Variants in PFKFB4 observed in about 807,000 individuals in gnomAD.
The protein encoded by PFKFB4 is 6-phosphofructo-2-kinase/fructose-2,6-bisphosphatase 4.
PFKFB4 carries 42 observed loss-of-function variants against 62.8 expected under a neutral mutation model. The observed-to-expected ratio is 0.67, with a 90% CI of 0.52 to 0.86. The LOEUF (loss-of-function observed/expected upper bound fraction) is 0.86. PFKFB4 is among the 40% of genes least tolerant of loss of function. PFKFB4 has a pLI of 0.00. For missense variants in PFKFB4, 475 were observed against 627.2 expected, an observed-to-expected ratio of 0.76 and a Z score of 2.59; for synonymous variants, 204 against 240.7, an observed-to-expected ratio of 0.85 and a Z score of 1.41.
chr3:48,546,436 TG>T (rs1230143528), intron 3 of PFKFB4, among the ~76,000 whole-genome samples: 1 of 152,174 alleles, frequency 6.6e-6, no homozygotes, highest in Non-Finnish European at 1.5e-5. Flanking sequence ...ATGCTTGGTG[TG>T]TACATGTGCA....
At chr3:48,525,075 G>GT (rs2042214493) in intron 10 of PFKFB4, among the ~76,000 whole-genome samples, 1 of 152,104 alleles carries the variant, frequency 6.6e-6, no homozygotes, top group South Asian at 2.1e-4. Flanking sequence ...AGGGACTCGA[G>GT]TGAGCTGAGA....
chr3:48,521,901 G>T lies in PFKFB4; in HGVS notation c.1350+85C>A. 1 of 1,147,202 alleles carries T rather than the reference G, an allele frequency of 8.7e-7. No homozygotes were observed. The highest frequency in any genetic ancestry group is 1.3e-6 in the Non-Finnish European group (1 of 754,570). 71.1% of individuals were successfully genotyped at this position (1,147,202 alleles called of 1,614,324 possible). ...CAAGCTCCCTCTGGCAGGTGCCGCA[G>T]CTGGGCCTGGCCCTGGAGGATGTGC... On this transcript the variant is annotated intron_variant, in intron 13 of 13. Coordinates refer to ENST00000232375, the MANE Select transcript of PFKFB4 (RefSeq NM_004567.4). The surrounding 1 kb of genome is among the most constrained non-coding windows in gnomAD (Gnocchi z 5.3).
At chr3:48,539,344 A>T in intron 5 of PFKFB4, 34 bp from the exon 6 acceptor site, 1 of 1,595,494 alleles carries the variant, frequency 6.3e-7, no homozygotes, top group Non-Finnish European at 8.6e-7. Context: ...GGGTGGTGGG[A>T]GGGAGGAACA....
At chr3:48,526,150 G>C (rs2042252100) in intron 9 of PFKFB4, 3 of 152,218 alleles carry the variant, frequency 2.0e-5, no homozygotes, top group Admixed American at 6.5e-5. Flanking sequence ...TTGAGGTCAG[G>C]AGTTCAAGAC....
intron 12 of PFKFB4, among the ~76,000 whole-genome samples, 159 bp from the exon 13 acceptor site, chr3:48,522,209 G>A (rs750768656): frequency 1.1e-4 from 16 of 152,162 alleles, no homozygotes; most frequent in Non-Finnish European, 1.6e-4. Flanking sequence ...GGGGAGCCCC[G>A]GGAGGAAGGA....
chr3:48,554,414 C>T (rs1405538579), intron 1 of PFKFB4, among the ~76,000 whole-genome samples: 1 of 152,208 alleles, frequency 6.6e-6, no homozygotes, highest in Non-Finnish European at 1.5e-5. Flanking sequence ...AAACAACCTG[C>T]AGGTCTCATC....
At chr3:48,527,289 T>G (rs958035049) in intron 9 of PFKFB4, among the ~76,000 whole-genome samples, 40 of 151,230 alleles carry the variant, frequency 2.6e-4, no homozygotes, top group Admixed American at 9.9e-4. Context: ...AGTGGTTTTT[T>G]TTTTTTTTTT....
upstream of PFKFB4, among the ~76,000 whole-genome samples, chr3:48,559,194 C>T (rs778480199): frequency 1.3e-5 from 2 of 152,206 alleles, no homozygotes; most frequent in Admixed American, 6.5e-5. Context: ...TTCCTCTCTT[C>T]CCCAGAAAGT....
chr3:48,556,670 C>T lies in PFKFB4; in HGVS notation c.97+11G>A, dbSNP rs776513148. On this transcript the variant is annotated intron_variant, in intron 1 of 13. Coordinates refer to ENST00000232375, the MANE Select transcript of PFKFB4 (RefSeq NM_004567.4). The surrounding 1 kb of genome is among the most constrained non-coding windows in gnomAD (Gnocchi z 5.7). Reference sequence around the variant, plus strand: ...GCACCTCCCACCTCCTCCCAGAGGACCCCGCCTCACCACCGCGCTGGCAAG... The same window carrying T: ...GCACCTCCCACCTCCTCCCAGAGGATCCCGCCTCACCACCGCGCTGGCAAG... 7.5e-6 allele frequency: 12 copies of T among 1,609,686 alleles called. No individual in the cohort carries two copies. In the East Asian group the frequency reaches 2.5e-4, roughly 33 times the overall value.
At chr3:48,560,618 G>A (rs1369880665), upstream of PFKFB4, among the ~76,000 whole-genome samples, 1 of 152,212 alleles carries the variant, frequency 6.6e-6, no homozygotes, top group African/African-American at 2.4e-5. Context: ...GAGAAGCTCA[G>A]GACTGGCACA....
At position 48,519,653 on chromosome 3, in the gene PFKFB4, A is replaced by G. The variant is rs1348810471; in HGVS notation, c.*94T>C. ...TGTGTGGCTTCAAGAATATCCCTGC[A>G]TGGCATGGTGACTATCACACACACT... On this transcript the variant is annotated 3_prime_UTR_variant, in exon 14 of 14. Coordinates refer to ENST00000232375, the MANE Select transcript of PFKFB4 (RefSeq NM_004567.4). The G allele has an allele frequency of 3.2e-6, 3 of 950,212 alleles. No individual in the cohort carries two copies. Among genetic ancestry groups the G allele is most frequent in the African/African-American group, 3.2e-5 (2 of 61,868 alleles). The allele number at this position is 950,212 out of a possible 1,614,324, so 58.9% of individuals were successfully genotyped here.
At position 48,543,580 on chromosome 3, in the gene PFKFB4, C is replaced by T. The variant is rs1219948013; in HGVS notation, c.378G>A (p.Ala126=). The T allele has an allele frequency of 6.2e-6, 10 of 1,607,734 alleles. No individual in the cohort carries two copies. Among genetic ancestry groups the T allele is most frequent in the African/African-American group, 4.0e-5 (3 of 74,860 alleles). ...GCTGTCACCAGGGTGTCACACTCAC[C>T]GCCACATGTCCCCCCTCCTCACTAA... ...RFLSEEGGHV[A]VFDATNTTRE... is the part of the protein sequence containing the mutation. The change falls in exon 4 of 14, where the codon GCG becomes GCA. Residue 126 remains alanine, a splice_region_variant and synonymous_variant. Transcript: ENST00000232375.
rs1460291448 is a variant in PFKFB4, at chr3:48,556,055, T to G, written c.97+626A>C. ...TAGCTGTTTCACTCTCCAGTTTTAC[T>G]GTACACCCATGACCCCAGGTGGATA... is the stretch of plus-strand genomic sequence containing the variant. On this transcript the variant is annotated intron_variant, in intron 1 of 13. Transcript: ENST00000232375. The surrounding 1 kb of genome is among the most constrained non-coding windows in gnomAD (Gnocchi z 5.7). 2.2e-6 allele frequency: 1 copy of G among 455,434 alleles called. No homozygotes were observed. The highest frequency in any genetic ancestry group is 2.4e-5 in the Admixed American group (1 of 42,532). The allele number at this position is 455,434 out of a possible 1,614,324, so 28.2% of individuals were successfully genotyped here.
chr3:48,550,278 C>T (rs1298305531), intron 1 of PFKFB4, 44 bp from the exon 2 acceptor site: 1 of 1,212,824 alleles, frequency 8.2e-7, no homozygotes, highest in Non-Finnish European at 1.2e-6. Context: ...CTGGGACCCT[C>T]CCAGCGCACC....
At chr3:48,524,735 G>A (rs1317432489) in intron 10 of PFKFB4, among the ~76,000 whole-genome samples, 3 of 152,170 alleles carry the variant, frequency 2.0e-5, no homozygotes, top group Non-Finnish European at 2.9e-5. Flanking sequence ...CCTGGCTTCT[G>A]GGTGGAGGTG....
At chr3:48,558,141 C>T (rs1278780351), upstream of PFKFB4, among the ~76,000 whole-genome samples, 1 of 152,180 alleles carries the variant, frequency 6.6e-6, no homozygotes, top group African/African-American at 2.4e-5. Context: ...TCCCTCTTGT[C>T]TTTGAAAATG....
At chr3:48,523,982 T>C in intron 10 of PFKFB4, 152 bp from the exon 11 acceptor site, 2 of 845,964 alleles carry the variant, frequency 2.4e-6, no homozygotes, top group East Asian at 2.5e-5. Context: ...TCTGAGGCCA[T>C]GGGGGTGGGC....
intron 3 of PFKFB4, among the ~76,000 whole-genome samples, chr3:48,547,326 T>C (rs146382477): frequency 2.0e-5 from 3 of 152,244 alleles, no homozygotes; most frequent in African/African-American, 4.8e-5. Flanking sequence ...CCTGTGCATA[T>C]GGTATACGCA....
chr3:48,523,878 G>C, intron 10 of PFKFB4, 48 bp from the exon 11 acceptor site: 1 of 1,589,144 alleles, frequency 6.3e-7, no homozygotes, highest in Non-Finnish European at 8.6e-7. Flanking sequence ...CTCCGGGGGA[G>C]GGACAGACAC....
Sources: gnomAD v4.1 joint callset for allele counts (sites outside exome capture counted in the v4.1 genomes callset) on GRCh38, gnomAD v4.1.1 for gene constraint, Gnocchi (gnomAD v3.1) non-coding constraint, MANE v1.5 for transcripts, NCBI Gene and HGNC (gene_info 2026-07-23, HGNC 2026-07-21) for gene names.